DSCAM: variants seen among roughly 807,000 people sequenced by gnomAD.
The protein encoded by DSCAM is cell adhesion molecule DSCAM.
In DSCAM, 47 loss-of-function variants were observed where a neutral mutation model predicts 217.7. The ratio of observed to expected loss-of-function variants is 0.22; its 90% confidence interval spans 0.17 to 0.28. DSCAM has a LOEUF of 0.28. DSCAM is among the 10% of genes least tolerant of loss of function. DSCAM has a pLI of 1.00. For synonymous variants in DSCAM, 1,056 were observed against 1,015.3 expected, an observed-to-expected ratio of 1.04 and a Z score of -0.76; for missense variants, 2,080 against 2,618.3, an observed-to-expected ratio of 0.79 and a Z score of 4.49.
At chr21:40,382,149 A>T (rs1050100924) in intron 3 of DSCAM, among the ~76,000 whole-genome samples, 5 of 152,090 alleles carry the variant, frequency 3.3e-5, no homozygotes, top group Non-Finnish European at 7.4e-5. Context: ...TATACCTTGG[A>T]TTCTTAAAGT....
At chr21:40,538,846 A>C (rs1228990298) in intron 3 of DSCAM, among the ~76,000 whole-genome samples, 1 of 152,180 alleles carries the variant, frequency 6.6e-6, no homozygotes, top group Non-Finnish European at 1.5e-5. Flanking sequence ...CTAATTTATT[A>C]TTCGGGGTCT....
At chr21:40,678,580 C>T (rs2090366234) in intron 3 of DSCAM, among the ~76,000 whole-genome samples, 1 of 152,144 alleles carries the variant, frequency 6.6e-6, no homozygotes, top group South Asian at 2.1e-4. Flanking sequence ...CATCCCTTTC[C>T]CCCATGTAAC....
chr21:40,285,239 T>C (rs748155416), intron 10 of DSCAM, among the ~76,000 whole-genome samples: 2 of 152,200 alleles, frequency 1.3e-5, no homozygotes, highest in African/African-American at 2.4e-5. Flanking sequence ...TGCAGCAGTG[T>C]CTACCATTCA....
At chr21:40,131,343 T>C (rs2090152362) in intron 19 of DSCAM, among the ~76,000 whole-genome samples, 2 of 152,260 alleles carry the variant, frequency 1.3e-5, no homozygotes, top group South Asian at 4.1e-4. Flanking sequence ...TCACCGTTTC[T>C]AAATTATTGA....
chr21:40,095,282 A>G (rs892616632), intron 20 of DSCAM, among the ~76,000 whole-genome samples: 3 of 152,194 alleles, frequency 2.0e-5, no homozygotes. Context: ...CCCACAACAC[A>G]TGGGAATTAT....
At chr21:40,332,348 T>G (rs924727517) in intron 8 of DSCAM, among the ~76,000 whole-genome samples, 6 of 152,234 alleles carry the variant, frequency 3.9e-5, no homozygotes, top group African/African-American at 1.4e-4. Flanking sequence ...GAGTCTTGAA[T>G]GTATTACTGG....
At position 40,580,406 on chromosome 21, in the gene DSCAM, G is replaced by A. The variant is rs1056857030; in HGVS notation, c.508+112404C>T. On this transcript the variant is annotated intron_variant, in intron 3 of 32. Coordinates refer to ENST00000400454, the MANE Select transcript of DSCAM (RefSeq NM_001389.5). ...AAATTAGCCAGGCGTGGTGGCGGGC[G>A]CCCATAATCCCAGCTACTTGGGAGG... is the stretch of plus-strand genomic sequence containing the variant. Among the ~76,000 whole-genome samples, 10 of 151,756 alleles carry A rather than the reference G, an allele frequency of 6.6e-5. No individual in the cohort carries two copies. In the South Asian group the frequency reaches 8.4e-4, roughly 13 times the overall value.
intron 32 of DSCAM, among the ~76,000 whole-genome samples, chr21:40,022,460 T>C (rs970732984): frequency 1.3e-5 from 2 of 152,208 alleles, no homozygotes; most frequent in African/African-American, 4.8e-5. Context: ...TTATAAAGCA[T>C]TGAATTCAAC....
At chr21:40,484,778 T>C (rs1045127023) in intron 3 of DSCAM, among the ~76,000 whole-genome samples, 3 of 152,144 alleles carry the variant, frequency 2.0e-5, no homozygotes, top group East Asian at 1.9e-4. Flanking sequence ...ACCTGTTTTA[T>C]ACAGGGAGAT....
In DSCAM at chr21:40,692,931, A is replaced by G; in HGVS notation, c.387T>C (p.Arg129=). The change falls in exon 3 of 33, where the codon CGT becomes CGC. Residue 129 remains arginine (R), a synonymous_variant. Transcript: ENST00000400454. The part of the protein sequence containing the change: ...KAVLREPYTV[R]VEDQKTMRGN... ...CTCTCATGGTTTTCTGGTCCTCCACACGGACTGTATAGGGCTCCCGTAAAA... is the reference window on the plus strand; with the variant it reads ...CTCTCATGGTTTTCTGGTCCTCCACGCGGACTGTATAGGGCTCCCGTAAAA... The G allele has an allele frequency of 6.2e-7, 1 of 1,613,944 alleles. No homozygotes were observed. The highest frequency in any genetic ancestry group is 8.5e-7 in the Non-Finnish European group (1 of 1,179,862).
At chr21:40,328,083 G>C (rs1008603392) in intron 8 of DSCAM, among the ~76,000 whole-genome samples, 1 of 151,854 alleles carries the variant, frequency 6.6e-6, no homozygotes, top group Non-Finnish European at 1.5e-5. Context: ...GTGACCTACA[G>C]AGTCAATGTA....
chr21:40,625,858 CCA>C (rs2089594076), intron 3 of DSCAM, among the ~76,000 whole-genome samples: 1 of 152,174 alleles, frequency 6.6e-6, no homozygotes, highest in South Asian at 2.1e-4. Context: ...TCAATTTTCC[CCA>C]CACAATCTTC....
At chr21:40,521,384 AG>A (rs1357312925) in intron 3 of DSCAM, among the ~76,000 whole-genome samples, 1 of 152,124 alleles carries the variant, frequency 6.6e-6, no homozygotes, top group African/African-American at 2.4e-5. Flanking sequence ...ACAGTGTGTA[AG>A]GGTTTCCTTT....
chr21:40,698,843 C>G (rs2090623193), intron 2 of DSCAM, among the ~76,000 whole-genome samples: 1 of 144,580 alleles, frequency 6.9e-6, no homozygotes, highest in Non-Finnish European at 1.5e-5. Flanking sequence ...GCACTCCAGC[C>G]TGGGCGACAG....
At chr21:40,699,139 A>AATT (rs994634902) in intron 2 of DSCAM, among the ~76,000 whole-genome samples, 4 of 121,116 alleles carry the variant, frequency 3.3e-5, no homozygotes, top group African/African-American at 1.3e-4. Flanking sequence ...AAACTTTTAA[A>AATT]ATCATTATAT....
At chr21:40,050,132 G>A (rs1296976394) in intron 30 of DSCAM, among the ~76,000 whole-genome samples, 1 of 152,144 alleles carries the variant, frequency 6.6e-6, no homozygotes, top group African/African-American at 2.4e-5. Context: ...ATCACCCAGG[G>A]TGTCTGTTAC....
intron 3 of DSCAM, among the ~76,000 whole-genome samples, chr21:40,397,420 G>A (rs1324962812): frequency 4.6e-5 from 7 of 152,034 alleles, no homozygotes; most frequent in African/African-American, 7.2e-5. Context: ...TGCTTTCACC[G>A]TGTGACATGC....
intron 3 of DSCAM, among the ~76,000 whole-genome samples, chr21:40,386,968 T>G (rs1318764358): frequency 1.3e-5 from 2 of 152,204 alleles, no homozygotes; most frequent in African/African-American, 2.4e-5. Context: ...GGAACCTTAT[T>G]TTTCCATTTT....
chr21:40,404,036 A>T (rs547684535), intron 3 of DSCAM, among the ~76,000 whole-genome samples: 1 of 152,258 alleles, frequency 6.6e-6, no homozygotes, highest in South Asian at 2.1e-4. Context: ...TTCCCTTTTT[A>T]ACATAAATGA....
Sources: gnomAD v4.1 joint callset for allele counts (sites outside exome capture counted in the v4.1 genomes callset) on GRCh38, gnomAD v4.1.1 for gene constraint, MANE v1.5 for transcripts, NCBI Gene and HGNC (gene_info 2026-07-23, HGNC 2026-07-21) for gene names.